Variants in NLRP13 observed in about 807,000 individuals in gnomAD.
The protein encoded by NLRP13 is NLR family pyrin domain containing 13, also known as NACHT, LRR and PYD domains-containing protein 13.
NLRP13 carries 82 observed loss-of-function variants against 94.4 expected under a neutral mutation model. The ratio of observed to expected loss-of-function variants is 0.87; its 90% CI spans 0.73 to 1.04. The LOEUF is 1.04. Among genes scored for constraint, NLRP13 ranks in the 50% least tolerant of loss-of-function variants. The pLI is 0.00. For synonymous variants in NLRP13, 553 were observed against 464.7 expected, an observed-to-expected ratio of 1.19 and a Z score of -2.45; for missense variants, 1,426 against 1,230.8, an observed-to-expected ratio of 1.16 and a Z score of -2.37.
downstream of NLRP13, chr19:55,892,066 CCTTCTGTGAGGTCTGTAT>C (rs1194498501): frequency 1.8e-4 from 223 of 1,227,586 alleles, no homozygotes; most frequent in Middle Eastern, 3.1e-4. Context: ...AGACAGAGCT[CCTTCTGTGAGGTCTGTAT>C]CTCCTCTCTC....
At chr19:55,904,819 A>T in intron 8 of NLRP13, 123 bp downstream of exon 8, 1 of 788,792 alleles carries the variant, frequency 1.3e-6, no homozygotes, top group Non-Finnish European at 1.9e-6. Flanking sequence ...TTCCTGGCAC[A>T]TAGTAATTAC....
chr19:55,911,943 T>C lies in NLRP13; in HGVS notation c.1874A>G (p.Lys625Arg). ...ELLKWGEELG[K>R]AESASLQFHI... ...AAATTGGAGAGAGGCACTTTCAGCC[T>C]TACCTAACTCTTCTCCCCACTTTAA... is the stretch of plus-strand genomic sequence containing the variant. The change falls in exon 5 of 11, where the codon AAG (lysine) becomes AGG (arginine). Residue 625 changes from lysine to arginine, a missense_variant. Transcript: ENST00000342929. 1 of 1,614,226 alleles carries C rather than the reference T, an allele frequency of 6.2e-7. No homozygotes were observed. Among genetic ancestry groups the C allele is most frequent in the South Asian group, 1.1e-5 (1 of 91,082 alleles).
At chr19:55,920,975 G>A (rs540224857) in intron 4 of NLRP13, among the ~76,000 whole-genome samples, 1 of 152,124 alleles carries the variant, frequency 6.6e-6, no homozygotes, top group Non-Finnish European at 1.5e-5. Flanking sequence ...AATATGGATA[G>A]AACTGGAGGC....
downstream of NLRP13, among the ~76,000 whole-genome samples, chr19:55,892,569 A>C (rs1451955290): frequency 3.9e-5 from 6 of 151,966 alleles, no homozygotes; most frequent in Non-Finnish European, 7.4e-5. Flanking sequence ...TTATAGGCGC[A>C]CACCACCACG....
At chr19:55,914,561 A>C (rs1986630945) in intron 4 of NLRP13, among the ~76,000 whole-genome samples, 1 of 152,204 alleles carries the variant, frequency 6.6e-6, no homozygotes, top group African/African-American at 2.4e-5. Context: ...ACATATCTGC[A>C]AAAAATTTAG....
chr19:55,911,632 T>C, intron 5 of NLRP13, 74 bp downstream of exon 5: 1 of 1,375,946 alleles, frequency 7.3e-7, no homozygotes, highest in Non-Finnish European at 9.9e-7. Flanking sequence ...CATCCCTGGT[T>C]TTGCATGAAA....
In NLRP13 at chr19:55,898,873, G is replaced by T; in HGVS notation, c.2854C>A (p.His952Asn). Residue 952 changes from histidine to asparagine, a missense_variant, in exon 10 of 11, where the codon CAT becomes AAT. By Grantham distance (68) the His-to-Asn change is moderately conservative. Transcript: ENST00000342929. ...GELANALSHNHNVKILDLGEN... is the reference protein window; with the variant it reads ...GELANALSHNNNVKILDLGEN... Reference sequence around the variant, plus strand: ...CCCAAATCCAAGATTTTCACATTATGATTATGGCTGAGGGCATTAGCCAGC... The same window carrying T: ...CCCAAATCCAAGATTTTCACATTATTATTATGGCTGAGGGCATTAGCCAGC... 1 of 1,613,968 alleles carries T rather than the reference G, an allele frequency of 6.2e-7. No individual in the cohort carries two copies. Among genetic ancestry groups the T allele is most frequent in the South Asian group, 1.1e-5 (1 of 91,060 alleles).
chr19:55,926,966 G>A lies in NLRP13; in HGVS notation c.320-1931C>T, dbSNP rs559704919. On this transcript the variant is annotated intron_variant, in intron 1 of 10. Coordinates refer to ENST00000342929, the MANE Select transcript of NLRP13 (RefSeq NM_176810.2). ...TCAACAAATGGTGCTGGAGCCAATG[G>A]ATATCTATAGGTGGAAAAAATAAGA... is the stretch of plus-strand genomic sequence containing the variant. 4.0e-5 allele frequency among the ~76,000 whole-genome samples: 6 copies of A among 151,690 alleles called. No individual in the cohort carries two copies. In the South Asian group the frequency reaches 1.2e-3, roughly 32 times the overall value.
rs556701167 is a variant in NLRP13 at position 55,905,106 on chromosome 19, C to T, written c.2454G>A (p.Glu818=). 1.1e-5 allele frequency: 18 copies of T among 1,613,508 alleles called. No individual in the cohort carries two copies. Among genetic ancestry groups the T allele is most frequent in the Non-Finnish European group, 1.5e-5 (18 of 1,179,848 alleles). Residue 818 remains glutamate (E), a synonymous_variant, in exon 8 of 11, where the codon GAG becomes GAA. Transcript: ENST00000342929. ...AGCTGGCTGCCGACAAGTTGCATTT[C>T]TCCAGGCTGTGGAAGGTGCAGGTGC... The part of the protein sequence containing the change: ...SACNLKYLCL[E]KCNLSAASCQ...
intron 4 of NLRP13, 34 bp from the exon 5 acceptor site, chr19:55,913,327 G>A (rs370232219): frequency 5.1e-6 from 8 of 1,583,824 alleles, no homozygotes; most frequent in Non-Finnish European, 6.9e-6. Context: ...AGAATGGTAA[G>A]AATAAATTTC....
At chr19:55,919,620 A>T (rs369646747) in intron 4 of NLRP13, among the ~76,000 whole-genome samples, 1 of 150,956 alleles carries the variant, frequency 6.6e-6, no homozygotes, top group Non-Finnish European at 1.5e-5. Context: ...ACAATAGCTT[A>T]AAAAAAAACA....
At chr19:55,909,824 TC>T (rs1459334714) in intron 6 of NLRP13, among the ~76,000 whole-genome samples, 2 of 152,192 alleles carry the variant, frequency 1.3e-5, no homozygotes, top group Non-Finnish European at 2.9e-5. Flanking sequence ...TATCTCGTTT[TC>T]TTGGCTTGGA....
At chr19:55,894,665 CAG>C (rs1985951683), downstream of NLRP13, among the ~76,000 whole-genome samples, 1 of 152,196 alleles carries the variant, frequency 6.6e-6, no homozygotes, top group South Asian at 2.1e-4. Flanking sequence ...TTCATGACAA[CAG>C]AGATTGCTTT....
At chr19:55,907,213 C>T (rs905574196) in intron 7 of NLRP13, among the ~76,000 whole-genome samples, 2 of 152,056 alleles carry the variant, frequency 1.3e-5, no homozygotes. Flanking sequence ...CCCACTCCAC[C>T]ACCCAAAGTG....
chr19:55,893,486 C>G (rs1465921406), downstream of NLRP13, among the ~76,000 whole-genome samples: 1 of 152,102 alleles, frequency 6.6e-6, no homozygotes, highest in African/African-American at 2.4e-5. Flanking sequence ...GAAAGACTAA[C>G]AAATGAAGGG....
downstream of NLRP13, among the ~76,000 whole-genome samples, chr19:55,893,249 G>A (rs1439016099): frequency 6.6e-6 from 1 of 151,982 alleles, no homozygotes; most frequent in African/African-American, 2.4e-5. Context: ...TTAGCTGGGT[G>A]TGGTGGCACG....
chr19:55,922,389 A>G (rs1455762164), intron 4 of NLRP13, among the ~76,000 whole-genome samples: 1 of 151,844 alleles, frequency 6.6e-6, no homozygotes, highest in Non-Finnish European at 1.5e-5. Context: ...GTGCAGTGGC[A>G]TGATCTTGGC....
intron 1 of NLRP13, among the ~76,000 whole-genome samples, 192 bp from the exon 2 acceptor site, chr19:55,925,227 G>T: frequency 6.6e-6 from 1 of 152,320 alleles, no homozygotes; most frequent in East Asian, 1.9e-4. Context: ...CACAGCACAC[G>T]CTAAGCACAT....
At position 55,912,551 on chromosome 19, in the gene NLRP13, G is replaced by T. The variant is rs137881644; in HGVS notation, c.1266C>A (p.Cys422Ter). ...LRKNETLFHS[C>*]SAPMVCWTVC... is the part of the protein sequence containing the mutation. ...CGGTCCAACACACCATGGGGGCACT[G>T]CAGGAATGAAAGAGAGTTTCGTTTT... The change falls in exon 5 of 11, where the codon TGC (cysteine) becomes TGA (stop). Residue 422 changes from cysteine to a stop codon, truncating the protein, a stop_gained. Transcript: ENST00000342929. LOFTEE classifies it high-confidence loss of function. 3.1e-6 allele frequency: 5 copies of T among 1,614,004 alleles called. No homozygotes were observed. The African/African-American group carries it at 5.3e-5, about 17-fold the overall frequency.
Sources: gnomAD v4.1 joint callset for allele counts (sites outside exome capture counted in the v4.1 genomes callset) on GRCh38, gnomAD v4.1.1 for gene constraint, MANE v1.5 for transcripts, NCBI Gene and HGNC (gene_info 2026-07-23, HGNC 2026-07-21) for gene names.